PTGIS: variants seen among roughly 807,000 people sequenced by gnomAD.
PTGIS encodes prostacyclin synthase.
A neutral mutation model predicts 50.3 loss-of-function variants in PTGIS; 45 were observed. That is an observed-to-expected ratio of 0.90 (90% CI 0.70 to 1.15). The LOEUF (loss-of-function observed/expected upper bound fraction) is 1.15. PTGIS is among the 50% of genes most tolerant of loss of function. The pLI is 0.00. For synonymous variants in PTGIS, 260 were observed against 267.7 expected, an observed-to-expected ratio of 0.97 and a Z score of 0.28; for missense variants, 668 against 661.3, an observed-to-expected ratio of 1.01 and a Z score of -0.11.
chr20:49,542,355 G>T (rs1206682984), intron 4 of PTGIS, among the ~76,000 whole-genome samples: 1 of 152,212 alleles, frequency 6.6e-6, no homozygotes, highest in Admixed American at 6.5e-5. Context: ...CTGATTGATG[G>T]CAGTGGAAAG....
rs1008536149 is a variant in PTGIS at position 49,507,782 on chromosome 20, C to G, written c.*138G>C. Reference sequence around the variant, plus strand: ...TAGCTTTTCCCTCCCCTGGACCCAGCCTTCTGGGAGAAAAGCAGGGAAGTG... The same window carrying G: ...TAGCTTTTCCCTCCCCTGGACCCAGGCTTCTGGGAGAAAAGCAGGGAAGTG... On this transcript the variant is annotated 3_prime_UTR_variant, in exon 10 of 10. Transcript: ENST00000244043. 20 of 1,213,710 alleles carry G rather than the reference C, an allele frequency of 1.6e-5. No homozygotes were observed. The highest frequency in any genetic ancestry group is 2.3e-5 in the Non-Finnish European group (20 of 853,648). 75.2% of individuals were successfully genotyped at this position (1,213,710 alleles called of 1,614,324 possible). A position where few individuals can be genotyped will look rare whatever the true frequency, so the allele number is the denominator to read the frequency against.
chr20:49,525,304 C>T (rs750537296), intron 5 of PTGIS, among the ~76,000 whole-genome samples: 1 of 152,196 alleles, frequency 6.6e-6, no homozygotes, highest in Non-Finnish European at 1.5e-5. Flanking sequence ...TATGTATAAC[C>T]TTCTGATGTT....
At chr20:49,527,953 T>C (rs1394791952) in intron 5 of PTGIS, among the ~76,000 whole-genome samples, 1 of 151,958 alleles carries the variant, frequency 6.6e-6, no homozygotes, top group Non-Finnish European at 1.5e-5. Context: ...CTGACCAACA[T>C]GGTGAAACCC....
intron 5 of PTGIS, among the ~76,000 whole-genome samples, chr20:49,537,712 G>A (rs1450488265): frequency 1.3e-5 from 2 of 152,146 alleles, no homozygotes; most frequent in African/African-American, 4.8e-5. Context: ...CCGAGATTGT[G>A]CCGCTGCATT....
At position 49,514,391 on chromosome 20, in the gene PTGIS, T is replaced by C. The variant is rs774754882; in HGVS notation, c.860A>G (p.Asn287Ser). The C allele has an allele frequency of 9.3e-6, 15 of 1,613,502 alleles. No homozygotes were observed. In the East Asian group the frequency reaches 3.3e-4, roughly 36 times the overall value. ...LVLQLWATQG[N>S]MGPAAFWLLL... The stretch of plus-strand genomic sequence containing the variant: ...GAGCCAGAAGGCAGCGGGACCCATA[T>C]TCCCCTGCAAGGAGAAGGGCCCCTG... Residue 287 changes from asparagine (N) to serine (S), a missense_variant, in exon 7 of 10, where the codon AAT (asparagine) becomes AGT (serine). Transcript: ENST00000244043.
rs200540485 is a variant in PTGIS, at chr20:49,514,381, G to A, written c.870C>T (p.Pro290=). 2.8e-5 allele frequency: 45 copies of A among 1,613,772 alleles called. 1 individual carries two copies. In the Middle Eastern group the frequency reaches 6.6e-4, roughly 24 times the overall value. ...QLWATQGNMG[P]AAFWLLLFLL... ...GGAAGAGCAGGAGCCAGAAGGCAGC[G>A]GGACCCATATTCCCCTGCAAGGAGA... The change falls in exon 7 of 10, where the codon CCC becomes CCT. Residue 290 remains proline, a synonymous_variant. Transcript: ENST00000244043.
chr20:49,509,959 G>A (rs1981271472), intron 9 of PTGIS, among the ~76,000 whole-genome samples: 1 of 143,912 alleles, frequency 6.9e-6, no homozygotes. Flanking sequence ...CGCAATCTTG[G>A]CTCACTGCAA....
chr20:49,560,628 C>A (rs1247882370), intron 1 of PTGIS, among the ~76,000 whole-genome samples: 2 of 152,182 alleles, frequency 1.3e-5, no homozygotes, highest in East Asian at 3.9e-4. Flanking sequence ...TCAGGAGATG[C>A]CACGTGAGCA....
intron 5 of PTGIS, among the ~76,000 whole-genome samples, chr20:49,528,332 C>T (rs1442786505): frequency 6.6e-6 from 1 of 151,118 alleles, no homozygotes; most frequent in Non-Finnish European, 1.5e-5. Context: ...TAGCAGTGGG[C>T]TGGGTGCAGT....
intron 5 of PTGIS, among the ~76,000 whole-genome samples, chr20:49,529,811 G>T (rs1340445219): frequency 6.6e-6 from 1 of 152,032 alleles, no homozygotes; most frequent in East Asian, 1.9e-4. Flanking sequence ...CGTTATAATT[G>T]GTTTCATTTT....
intron 1 of PTGIS, among the ~76,000 whole-genome samples, chr20:49,560,869 T>C (rs1219427485): frequency 6.6e-6 from 1 of 151,920 alleles, no homozygotes; most frequent in Non-Finnish European, 1.5e-5. Flanking sequence ...GGAGTCCGGC[T>C]CCTATGCCAC....
At chr20:49,510,534 G>T (rs950908634) in intron 9 of PTGIS, among the ~76,000 whole-genome samples, 1 of 152,128 alleles carries the variant, frequency 6.6e-6, no homozygotes. Context: ...TGGACAGGAG[G>T]ACAGGGCAGA....
chr20:49,560,476 T>C (rs1982741842), intron 1 of PTGIS, among the ~76,000 whole-genome samples: 1 of 152,166 alleles, frequency 6.6e-6, no homozygotes, highest in Non-Finnish European at 1.5e-5. Context: ...GTGCTGGGAT[T>C]ACAGGCATGA....
chr20:49,535,288 G>A (rs1189361787), intron 5 of PTGIS, among the ~76,000 whole-genome samples: 1 of 152,086 alleles, frequency 6.6e-6, no homozygotes, highest in African/African-American at 2.4e-5. Context: ...GAAATGATGT[G>A]GCAGAAGCAG....
rs577537861 is a variant in PTGIS, at chr20:49,567,678, G to T, written c.74+365C>A. ...AGAGCGCTTCTTCCACCCGGGCCAC[G>T]CAGAGGCTGTCCCCGCACGGCTCCC... On this transcript the variant is annotated intron_variant, in intron 1 of 9. Transcript: ENST00000244043. 5.3e-5 allele frequency among the ~76,000 whole-genome samples: 8 copies of T among 152,326 alleles called. No individual in the cohort carries two copies. The South Asian group carries it at 1.7e-3, about 32-fold the overall frequency.
At chr20:49,560,300 C>G in intron 1 of PTGIS, among the ~76,000 whole-genome samples, 1 of 151,732 alleles carries the variant, frequency 6.6e-6, no homozygotes, top group East Asian at 1.9e-4. Context: ...TTTGGACTCA[C>G]GCAATCCTCC....
chr20:49,556,512 G>C (rs1349142818), intron 1 of PTGIS, among the ~76,000 whole-genome samples: 1 of 152,156 alleles, frequency 6.6e-6, no homozygotes. Flanking sequence ...TTTTAAAAAG[G>C]TCTAGACTCA....
chr20:49,530,347 T>C (rs556257598), intron 5 of PTGIS, among the ~76,000 whole-genome samples: 2 of 152,282 alleles, frequency 1.3e-5, no homozygotes, highest in South Asian at 4.2e-4. Flanking sequence ...ACTTAGTTTG[T>C]TTCCATGTCT....
intron 1 of PTGIS, among the ~76,000 whole-genome samples, chr20:49,551,146 G>A (rs1033192033): frequency 7.2e-5 from 11 of 152,288 alleles, no homozygotes; most frequent in African/African-American, 2.6e-4. Context: ...GGAGGAGGTT[G>A]CAGTGAGCTG....
Sources: gnomAD v4.1 joint callset for allele counts (sites outside exome capture counted in the v4.1 genomes callset) on GRCh38, gnomAD v4.1.1 for gene constraint, MANE v1.5 for transcripts, NCBI Gene and HGNC (gene_info 2026-07-23, HGNC 2026-07-21) for gene names.